USP34: variants seen among roughly 807,000 people sequenced by gnomAD.
USP34 encodes ubiquitin specific peptidase 34, also known as ubiquitin carboxyl-terminal hydrolase 34.
In USP34, 70 loss-of-function variants were observed where a neutral mutation model predicts 460.3. The observed-to-expected ratio is 0.15, with a 90% CI of 0.13 to 0.19. The LOEUF (loss-of-function observed/expected upper bound fraction) is 0.19, where lower values mean the gene tolerates loss of function less well. Among genes scored for constraint, USP34 ranks in the 10% least tolerant of loss-of-function variants. The probability of loss-of-function intolerance (pLI) is 1.00; values close to 1 mark genes in which losing one functional copy is unlikely to be tolerated. For synonymous variants in USP34, 1,647 were observed against 1,405.3 expected, an observed-to-expected ratio of 1.17 and a Z score of -3.85; for missense variants, 3,985 against 4,236.2, an observed-to-expected ratio of 0.94 and a Z score of 1.65.
Position 61,190,762 on chromosome 2 carries a change from C to T in USP34, c.9589-104G>A. On this transcript the variant is annotated intron_variant, in intron 76 of 79. Transcript: ENST00000398571. ...AACATACACTTGTGTATGATGGAATCTGAAGCCACTGAAAATCCTACTTGA... is the reference window on the plus strand; with the variant it reads ...AACATACACTTGTGTATGATGGAATTTGAAGCCACTGAAAATCCTACTTGA... 6 of 1,360,428 alleles carry T rather than the reference C, an allele frequency of 4.4e-6. No homozygotes were observed. In the South Asian group the frequency reaches 9.8e-5, roughly 22 times the overall value. The allele number at this position is 1,360,428 out of a possible 1,614,324, so 84.3% of individuals were successfully genotyped here.
At position 61,188,913 on chromosome 2, in the gene USP34, T is replaced by C. The variant is rs753599649; in HGVS notation, c.10030A>G (p.Lys3344Glu). 1 of 1,614,152 alleles carries C rather than the reference T, an allele frequency of 6.2e-7. No homozygotes were observed. The highest frequency in any genetic ancestry group is 8.5e-7 in the Non-Finnish European group (1 of 1,180,026). Residue 3344 changes from lysine to glutamate, a missense_variant, in exon 79 of 80, where the codon AAA becomes GAA. Coordinates refer to ENST00000398571, the MANE Select transcript of USP34 (RefSeq NM_014709.4). Reference protein sequence around the residue: ...QEQEAKERKTKDDEGATPIKR... With the variant: ...QEQEAKERKTEDDEGATPIKR... Reference sequence around the variant, plus strand: ...GATAGTAGTCCATAAAGCTAACCTTTAGTTTTTCTTTCTTTGGCTTCTTGC... The same window carrying C: ...GATAGTAGTCCATAAAGCTAACCTTCAGTTTTTCTTTCTTTGGCTTCTTGC...
At chr2:61,294,700 G>A (rs1040638172) in intron 32 of USP34, among the ~76,000 whole-genome samples, 4 of 152,126 alleles carry the variant, frequency 2.6e-5, no homozygotes, top group East Asian at 1.9e-4. Flanking sequence ...GATCACAGGC[G>A]TGAGCCACCA....
Position 61,347,887 on chromosome 2 carries a change from A to G in USP34, c.2268T>C (p.His756=), listed in dbSNP as rs1019511561. 1.9e-5 allele frequency: 30 copies of G among 1,612,142 alleles called. No individual in the cohort carries two copies. In the East Asian group the frequency reaches 6.5e-4, roughly 35 times the overall value. Residue 756 remains histidine (H), a synonymous_variant, in exon 15 of 80, where the codon CAT becomes CAC. Transcript: ENST00000398571. ...AGGCTTACCCATCGTGGTGGTGGTGATGGTGGTGGTGGTGGTGGTGATGCT... is the reference window on the plus strand; with the variant it reads ...AGGCTTACCCATCGTGGTGGTGGTGGTGGTGGTGGTGGTGGTGGTGATGCT... ...GPQHHHHHHH[H]HHHHDGHMVD...
intron 18 of USP34, among the ~76,000 whole-genome samples, chr2:61,338,027 A>G (rs1439584278): frequency 6.6e-6 from 1 of 152,226 alleles, no homozygotes; most frequent in Non-Finnish European, 1.5e-5. Flanking sequence ...ATTATTTTCA[A>G]AGAATATATA....
In USP34 at chr2:61,266,066, G is replaced by A. The variant is rs750153377; in HGVS notation, c.5535C>T (p.Tyr1845=). The change falls in exon 42 of 80, where the codon TAC becomes TAT. Residue 1845 remains tyrosine, a synonymous_variant. Coordinates refer to ENST00000398571, the MANE Select transcript of USP34 (RefSeq NM_014709.4). ...CKSHSSRAAA[Y]DLLVEMVKGS... The stretch of plus-strand genomic sequence containing the variant: ...CCTTTACCATCTCTACTAACAAATC[G>A]TAAGCGGCAGCTCTTGAAGAATGTG... The A allele has an allele frequency of 1.4e-5, 23 of 1,613,792 alleles. No individual in the cohort carries two copies. The highest frequency in any genetic ancestry group is 2.2e-5 in the South Asian group (2 of 91,060).
intron 25 of USP34, among the ~76,000 whole-genome samples, chr2:61,312,390 TA>T (rs1325851003): frequency 1.3e-5 from 2 of 151,482 alleles, no homozygotes; most frequent in Non-Finnish European, 2.9e-5. Flanking sequence ...GTTAAAATTA[TA>T]AAGTGAATTA....
rs747818364 is a variant in USP34, at chr2:61,241,591, T to C, written c.6746A>G (p.Tyr2249Cys). 5 of 1,610,398 alleles carry C rather than the reference T, an allele frequency of 3.1e-6. No homozygotes were observed. The highest frequency in any genetic ancestry group is 4.2e-6 in the Non-Finnish European group (5 of 1,178,930). ...TAACTCTGACGAAACATCAAATTTGTATTCTCTGCCATTTTCTTCCTCTGG... is the reference window on the plus strand; with the variant it reads ...TAACTCTGACGAAACATCAAATTTGCATTCTCTGCCATTTTCTTCCTCTGG... ...MEPEEENGRE[Y>C]KFDVSSELLE... The change falls in exon 53 of 80, where the codon TAC becomes TGC. Residue 2249 changes from tyrosine to cysteine, a missense_variant. Around this residue, in one of 14 missense-constraint regions of USP34, gnomAD observed 604 missense variants for 684.8 expected, o/e 0.88. Coordinates refer to ENST00000398571, the MANE Select transcript of USP34 (RefSeq NM_014709.4).
intron 1 of USP34, among the ~76,000 whole-genome samples, chr2:61,460,260 T>C (rs1482251652): frequency 6.6e-6 from 1 of 152,190 alleles, no homozygotes; most frequent in Non-Finnish European, 1.5e-5. Context: ...AAGTTTTAAA[T>C]TGCCATTCCG....
chr2:61,196,577 G>C (rs1173888348), intron 75 of USP34, among the ~76,000 whole-genome samples: 3 of 151,442 alleles, frequency 2.0e-5, no homozygotes, highest in Non-Finnish European at 4.4e-5. Flanking sequence ...GTTGCCCAAA[G>C]CATGTTGCAG....
chr2:61,355,351 T>G (rs141206242), intron 10 of USP34, among the ~76,000 whole-genome samples: 186 of 152,322 alleles, frequency 1.2e-3, no homozygotes, highest in Middle Eastern at 6.8e-3. Flanking sequence ...GTAACTCCAC[T>G]TTTTATTTTC....
intron 48 of USP34, among the ~76,000 whole-genome samples, chr2:61,253,340 TTGA>T (rs1688636503): frequency 6.6e-6 from 1 of 152,204 alleles, no homozygotes; most frequent in African/African-American, 2.4e-5. Flanking sequence ...ACTCAGACCC[TTGA>T]TGATCTTTTG....
intron 53 of USP34, among the ~76,000 whole-genome samples, chr2:61,237,168 G>A (rs1358632840): frequency 1.3e-5 from 2 of 152,068 alleles, no homozygotes; most frequent in Admixed American, 6.6e-5. Context: ...GTGAATAGCC[G>A]GCTTCAGAGT....
chr2:61,370,968 T>C (rs1311260024), intron 8 of USP34, among the ~76,000 whole-genome samples: 2 of 152,086 alleles, frequency 1.3e-5, no homozygotes, highest in African/African-American at 2.4e-5. Context: ...ATCAGGAAAA[T>C]AGGTTGTCAA....
At position 61,210,382 on chromosome 2, in the gene USP34, G is replaced by T. The variant is rs1572838095; in HGVS notation, c.8840+1390C>A. On this transcript the variant is annotated intron_variant, in intron 69 of 79. Transcript: ENST00000398571. ...AAATACTTACCTTTCTGTTATAATT[G>T]CCTACAGTATTCAGTGTAGTAACAT... Among the ~76,000 whole-genome samples, 4 of 152,202 alleles carry T rather than the reference G, an allele frequency of 2.6e-5. 1 individual carries two copies. Among genetic ancestry groups the T allele is most frequent in the Admixed American group, 2.6e-4 (4 of 15,290 alleles).
At chr2:61,347,383 C>A (rs764415686) in intron 15 of USP34, among the ~76,000 whole-genome samples, 5 of 151,772 alleles carry the variant, frequency 3.3e-5, no homozygotes, top group African/African-American at 4.8e-5. Context: ...TGTTGTTGTT[C>A]AACGTTTTGC....
chr2:61,395,967 G>C (rs568201208), intron 3 of USP34, among the ~76,000 whole-genome samples: 1 of 150,770 alleles, frequency 6.6e-6, no homozygotes, highest in Non-Finnish European at 1.5e-5. Flanking sequence ...TGAGGCATGA[G>C]AATGGCTTGA....
At chr2:61,326,869 C>T (rs1028945465) in intron 20 of USP34, among the ~76,000 whole-genome samples, 6 of 150,888 alleles carry the variant, frequency 4.0e-5, no homozygotes, top group South Asian at 2.1e-4. Context: ...CTGCAACCTC[C>T]GCCTCCTGGG....
intron 1 of USP34, among the ~76,000 whole-genome samples, chr2:61,425,563 G>A (rs1694487170): frequency 6.6e-6 from 1 of 152,094 alleles, no homozygotes; most frequent in Non-Finnish European, 1.5e-5. Context: ...ATTTAAACCA[G>A]CCCTAAAGCG....
At chr2:61,358,758 A>C (rs999552640) in intron 10 of USP34, among the ~76,000 whole-genome samples, 10 of 152,228 alleles carry the variant, frequency 6.6e-5, no homozygotes, top group Admixed American at 4.6e-4. Flanking sequence ...CTGAGAAGCA[A>C]ATTCACCAAG....
Sources: gnomAD v4.1 joint callset for allele counts (sites outside exome capture counted in the v4.1 genomes callset) on GRCh38, gnomAD v4.1.1 for gene constraint, gnomAD v4.1.1 regional missense constraint, MANE v1.5 for transcripts, NCBI Gene and HGNC (gene_info 2026-07-23, HGNC 2026-07-21) for gene names.